IFRD1: variants seen among roughly 807,000 people sequenced by gnomAD.
The protein encoded by IFRD1 is interferon-related developmental regulator 1.
A neutral mutation model predicts 52.9 loss-of-function variants in IFRD1; 35 were observed. The ratio of observed to expected loss-of-function variants is 0.66; its 90% CI spans 0.51 to 0.88. The LOEUF (loss-of-function observed/expected upper bound fraction) is 0.88. Among genes scored for constraint, IFRD1 ranks in the 40% least tolerant of loss-of-function variants. The pLI, the probability that IFRD1 is intolerant of heterozygous loss-of-function variation, is 0.00. For missense variants in IFRD1, 517 were observed against 550.8 expected (o/e 0.94, Z 0.61); for synonymous variants, 184 against 188.4 (o/e 0.98, Z 0.19).
chr7:112,432,635 C>A (rs1056202269), intron 1 of IFRD1, among the ~76,000 whole-genome samples: 1 of 152,080 alleles, frequency 6.6e-6, no homozygotes, highest in Non-Finnish European at 1.5e-5. Context: ...AAATAACTTA[C>A]CCAAGATCAC....
intron 3 of IFRD1, among the ~76,000 whole-genome samples, chr7:112,456,458 A>T (rs1563266111): frequency 6.6e-6 from 1 of 152,180 alleles, no homozygotes; most frequent in Non-Finnish European, 1.5e-5. Context: ...CTTGTCCACT[A>T]ATGTTATGAT....
At position 112,450,586 on chromosome 7, in the gene IFRD1, T is replaced by C. The variant is rs1795128602; in HGVS notation, c.-103T>C. On this transcript the variant is annotated 5_prime_UTR_variant, in exon 1 of 12. Coordinates refer to ENST00000403825, the MANE Select transcript of IFRD1 (RefSeq NM_001550.4). Reference sequence around the variant, plus strand: ...CTCGACTCTGTTGTTAGCCGAAGACTCGCCTCTCAGCCGCCCGCCGCACAG... The same window carrying C: ...CTCGACTCTGTTGTTAGCCGAAGACCCGCCTCTCAGCCGCCCGCCGCACAG... 2 of 876,602 alleles carry C rather than the reference T, an allele frequency of 2.3e-6. No individual in the cohort carries two copies. The highest frequency in any genetic ancestry group is 3.8e-6 in the Non-Finnish European group (2 of 525,956). The allele number at this position is 876,602 out of a possible 1,614,324, so 54.3% of individuals were successfully genotyped here.
chr7:112,436,009 A>G (rs1794680956), intron 1 of IFRD1, among the ~76,000 whole-genome samples: 1 of 151,726 alleles, frequency 6.6e-6, no homozygotes, highest in East Asian at 1.9e-4. Flanking sequence ...CAGCCTCCCA[A>G]GTAGCTGGGA....
chr7:112,424,447 T>C (rs1392241037), intron 1 of IFRD1, among the ~76,000 whole-genome samples: 1 of 151,698 alleles, frequency 6.6e-6, no homozygotes, highest in Non-Finnish European at 1.5e-5. Flanking sequence ...AGAGTTTCGC[T>C]CTTGTTGTCC....
intron 1 of IFRD1, among the ~76,000 whole-genome samples, chr7:112,454,852 T>C (rs943601387): frequency 1.4e-5 from 2 of 144,216 alleles, no homozygotes; most frequent in African/African-American, 5.1e-5. Context: ...TTCATCTTCA[T>C]ATCAGTTTTT....
At chr7:112,469,376 T>C (rs1285472230) in intron 9 of IFRD1, among the ~76,000 whole-genome samples, 1 of 152,168 alleles carries the variant, frequency 6.6e-6, no homozygotes, top group African/African-American at 2.4e-5. Context: ...ATGCTGACTC[T>C]TATCACATTA....
chr7:112,443,911 A>T (rs968743501), intron 1 of IFRD1, among the ~76,000 whole-genome samples: 4 of 151,818 alleles, frequency 2.6e-5, no homozygotes, highest in African/African-American at 9.7e-5. Flanking sequence ...CACCAAAAAA[A>T]CAAAAACAAA....
At chr7:112,472,159 C>T in intron 9 of IFRD1, 60 bp from the exon 10 acceptor site, 1 of 1,569,620 alleles carries the variant, frequency 6.4e-7, no homozygotes, top group Non-Finnish European at 8.8e-7. Context: ...ATTGTGTTTA[C>T]ATAAGATCCC....
At position 112,455,777 on chromosome 7, in the gene IFRD1, A is replaced by G. The variant is rs145138662; in HGVS notation, c.109A>G (p.Asn37Asp). ...TAATAGGQHRNVQPFSDEDAS... is the reference protein window; with the variant it reads ...TAATAGGQHRDVQPFSDEDAS... ...TTACCTAATAGGTGGCCAGCATCGA[A>G]ATGTTCAGCCTTTTAGTGATGAAGA... The change falls in exon 2 of 12, where the codon AAT becomes GAT. Residue 37 changes from asparagine (N) to aspartate (D), a missense_variant. Coordinates refer to ENST00000403825, the MANE Select transcript of IFRD1 (RefSeq NM_001550.4). The G allele has an allele frequency of 3.1e-6, 5 of 1,610,416 alleles. No individual in the cohort carries two copies. The highest frequency in any genetic ancestry group is 4.2e-6 in the Non-Finnish European group (5 of 1,176,722).
At chr7:112,432,391 C>G (rs774135963) in intron 1 of IFRD1, among the ~76,000 whole-genome samples, 6 of 152,162 alleles carry the variant, frequency 3.9e-5, no homozygotes, top group Non-Finnish European at 7.3e-5. Flanking sequence ...GCACTTAGAG[C>G]TGAGACTTAA....
At chr7:112,436,618 C>T (rs1487096556) in intron 1 of IFRD1, among the ~76,000 whole-genome samples, 2 of 152,122 alleles carry the variant, frequency 1.3e-5, no homozygotes, top group African/African-American at 2.4e-5. Flanking sequence ...CCCAGCTAAT[C>T]AGGTCTTCAT....
intron 1 of IFRD1, among the ~76,000 whole-genome samples, chr7:112,442,767 C>T (rs1328081966): frequency 6.6e-6 from 1 of 152,174 alleles, no homozygotes; most frequent in Non-Finnish European, 1.5e-5. Context: ...TGTTCTCATG[C>T]TCTAGAACAT....
chr7:112,441,518 C>T (rs1794889730), intron 1 of IFRD1, among the ~76,000 whole-genome samples: 1 of 152,094 alleles, frequency 6.6e-6, no homozygotes, highest in South Asian at 2.1e-4. Flanking sequence ...TTCTGCCTAC[C>T]TGGAAGTGGA....
At chr7:112,460,957 A>G (rs578005346) in intron 5 of IFRD1, among the ~76,000 whole-genome samples, 2 of 152,310 alleles carry the variant, frequency 1.3e-5, no homozygotes, top group East Asian at 3.9e-4. Flanking sequence ...AAATGTTCTG[A>G]GAATTGAAGG....
chr7:112,427,594 A>T (rs1288352680), intron 1 of IFRD1, among the ~76,000 whole-genome samples: 1 of 152,222 alleles, frequency 6.6e-6, no homozygotes, highest in East Asian at 1.9e-4. Flanking sequence ...TGATAAGTAG[A>T]AAAACAACAT....
At position 112,472,786 on chromosome 7, in the gene IFRD1, TG is replaced by T; in HGVS notation, c.1192del (p.Val398TyrfsTer8). The T allele has an allele frequency of 6.2e-7, 1 of 1,611,450 alleles. No homozygotes were observed. The highest frequency in any genetic ancestry group is 8.5e-7 in the Non-Finnish European group (1 of 1,177,540). On this transcript the variant is annotated frameshift_variant, in exon 11 of 12. Coordinates refer to ENST00000403825, the MANE Select transcript of IFRD1 (RefSeq NM_001550.4). LOFTEE classifies it high-confidence loss of function. ...HLQSNEFLRN[V>X]FELGPPVMLD... ...ATAAGTCAAATGAATTCCTTCGAAATGTATTTGAACTTGGACCCCCAGTGAT... is the reference window on the plus strand; with the variant it reads ...ATAAGTCAAATGAATTCCTTCGAAATTATTTGAACTTGGACCCCCAGTGAT...
Position 112,461,855 on chromosome 7 carries a change from T to A in IFRD1, c.568-11T>A, listed in dbSNP as rs540941374. 8.1e-3 allele frequency: 10,081 copies of A among 1,250,828 alleles called. 406 individuals carry two copies. In the African/African-American group the frequency reaches 0.11, roughly 14 times the overall value. 77.5% of individuals were successfully genotyped at this position (1,250,828 alleles called of 1,614,324 possible). A position where few individuals can be genotyped will look rare whatever the true frequency, so the allele number is the denominator to read the frequency against. Reference sequence around the variant, plus strand: ...TCATTAATGTCTATATATATATATTTTTTTTTTTAGTGTGCAACTTGCTTT... The same window carrying A: ...TCATTAATGTCTATATATATATATTATTTTTTTTAGTGTGCAACTTGCTTT... On this transcript the variant is annotated splice_polypyrimidine_tract_variant and intron_variant, in intron 5 of 11. Transcript: ENST00000403825.
chr7:112,445,279 G>C (rs1011315884), intron 1 of IFRD1, among the ~76,000 whole-genome samples: 4 of 151,930 alleles, frequency 2.6e-5, no homozygotes, highest in African/African-American at 7.3e-5. Flanking sequence ...TGTTAGCCAG[G>C]ATGGTCTCGA....
upstream of IFRD1, among the ~76,000 whole-genome samples, chr7:112,449,842 T>TGGGG (rs1795108391): frequency 3.5e-4 from 16 of 45,770 alleles, no homozygotes; most frequent in Non-Finnish European, 4.6e-4. Context: ...GGGGGGGGGA[T>TGGGG]GGGGGGCACA....
Sources: allele counts gnomAD v4.1 joint callset (sites outside exome capture counted in the v4.1 genomes callset), GRCh38; gene constraint gnomAD v4.1.1; transcripts MANE v1.5; gene names NCBI Gene and HGNC (gene_info 2026-07-23, HGNC 2026-07-21).